GRB14: variants seen among roughly 807,000 people sequenced by gnomAD.
GRB14 encodes the protein growth factor receptor-bound protein 14.
A neutral mutation model predicts 69.1 loss-of-function variants in GRB14; 38 were observed. That is an observed-to-expected ratio of 0.55 (90% CI 0.42 to 0.72). The LOEUF is 0.72. Among genes scored for constraint, GRB14 ranks in the 30% least tolerant of loss-of-function variants. The pLI, the probability that GRB14 is intolerant of heterozygous loss-of-function variation, is 0.00. For synonymous variants in GRB14, 247 were observed against 241.3 expected, an observed-to-expected ratio of 1.02 and a Z score of -0.22; for missense variants, 666 against 666.1, an observed-to-expected ratio of 1.00 and a Z score of 0.00.
chr2:164,548,030 C>T (rs192510111), intron 2 of GRB14, among the ~76,000 whole-genome samples: 97 of 152,302 alleles, frequency 6.4e-4, no homozygotes, highest in African/African-American at 2.1e-3. Context: ...AAAATCTACT[C>T]ATTTCTCAAA....
At chr2:164,505,565 A>T (rs1020979395) in intron 8 of GRB14, among the ~76,000 whole-genome samples, 1 of 152,164 alleles carries the variant, frequency 6.6e-6, no homozygotes, top group Non-Finnish European at 1.5e-5. Flanking sequence ...AATGATTCAG[A>T]AAAGCCAGGC....
intron 2 of GRB14, among the ~76,000 whole-genome samples, chr2:164,562,559 C>T (rs539962759): frequency 2.0e-5 from 3 of 151,970 alleles, no homozygotes; most frequent in Admixed American, 1.3e-4. Context: ...GAATAGGGCA[C>T]GGAAAGTTTA....
At chr2:164,569,384 C>T (rs1446233602) in intron 2 of GRB14, among the ~76,000 whole-genome samples, 11 of 152,082 alleles carry the variant, frequency 7.2e-5, no homozygotes, top group South Asian at 2.1e-4. Context: ...AGGATTGCAA[C>T]GTTAAAACTA....
chr2:164,500,857 G>A (rs1433174969), intron 9 of GRB14, among the ~76,000 whole-genome samples: 1 of 151,980 alleles, frequency 6.6e-6, no homozygotes, highest in Non-Finnish European at 1.5e-5. Flanking sequence ...AAAAAGACAA[G>A]GGTAATACCA....
intron 2 of GRB14, among the ~76,000 whole-genome samples, chr2:164,580,628 C>T (rs113793368): frequency 0.079 from 11,995 of 151,608 alleles, 713 homozygotes; most frequent in Non-Finnish European, 0.12. Flanking sequence ...CGCTTGAACC[C>T]GAGAGGTGGA....
In GRB14 at chr2:164,560,162, G is replaced by A. The variant is rs187418059; in HGVS notation, c.325-12346C>T. ...CCTGATGCTGTATTCTTACCATTCT[G>A]TTCGTCCAGTATTTAGGCTGCTTTA... On this transcript the variant is annotated intron_variant, in intron 2 of 13. Transcript: ENST00000263915. Among the ~76,000 whole-genome samples the A allele has an allele frequency of 7.2e-5, 11 of 152,190 alleles. No homozygotes were observed. In the East Asian group the frequency reaches 7.7e-4, roughly 11 times the overall value.
intron 2 of GRB14, among the ~76,000 whole-genome samples, chr2:164,580,337 C>G (rs552098081): frequency 6.6e-6 from 1 of 150,966 alleles, no homozygotes; most frequent in East Asian, 2.1e-4. Flanking sequence ...AGGTGATTTG[C>G]CTGCCTCAGC....
chr2:164,584,898 A>T (rs1230604812), intron 2 of GRB14, among the ~76,000 whole-genome samples: 3 of 151,992 alleles, frequency 2.0e-5, no homozygotes, highest in African/African-American at 7.2e-5. Context: ...TCAGTGGAAA[A>T]GAACTAGAAG....
At chr2:164,512,513 T>G (rs897350596) in intron 6 of GRB14, among the ~76,000 whole-genome samples, 6 of 152,124 alleles carry the variant, frequency 3.9e-5, no homozygotes, top group Non-Finnish European at 1.5e-5. Context: ...AGATGGCATC[T>G]CTAGACCAAC....
At chr2:164,598,287 C>G (rs946685863) in intron 2 of GRB14, among the ~76,000 whole-genome samples, 3 of 152,100 alleles carry the variant, frequency 2.0e-5, no homozygotes, top group Admixed American at 2.0e-4. Flanking sequence ...AAGTACTATA[C>G]TTTAGGTATG....
At chr2:164,498,105 C>T (rs1297898531) in intron 9 of GRB14, among the ~76,000 whole-genome samples, 3 of 152,068 alleles carry the variant, frequency 2.0e-5, no homozygotes, top group Non-Finnish European at 4.4e-5. Context: ...TTTCATCTTA[C>T]TTAGAAAATA....
chr2:164,597,628 T>G (rs549970497), intron 2 of GRB14, among the ~76,000 whole-genome samples: 8 of 150,882 alleles, frequency 5.3e-5, no homozygotes, highest in Non-Finnish European at 1.2e-4. Context: ...AGACAATGGG[T>G]AGAGAAGAAG....
At chr2:164,603,648 G>A (rs1421784498) in intron 2 of GRB14, among the ~76,000 whole-genome samples, 1 of 138,698 alleles carries the variant, frequency 7.2e-6, no homozygotes, top group African/African-American at 2.8e-5. Context: ...GGGTGACAGA[G>A]TGAGACACCA....
At chr2:164,589,261 CTTTA>C (rs926777418) in intron 2 of GRB14, among the ~76,000 whole-genome samples, 8 of 152,110 alleles carry the variant, frequency 5.3e-5, no homozygotes, top group Non-Finnish European at 1.0e-4. Context: ...TACAATAATA[CTTTA>C]TTTATCCTTT....
At chr2:164,519,217 A>G (rs1687571617) in intron 6 of GRB14, among the ~76,000 whole-genome samples, 1 of 152,224 alleles carries the variant, frequency 6.6e-6, no homozygotes, top group Non-Finnish European at 1.5e-5. Context: ...ATAATTTAAC[A>G]TATGCAAGTC....
chr2:164,569,231 T>C (rs1393738776), intron 2 of GRB14, among the ~76,000 whole-genome samples: 1 of 152,176 alleles, frequency 6.6e-6, no homozygotes, highest in African/African-American at 2.4e-5. Context: ...GCATTTCTTC[T>C]CATAAAAACT....
intron 2 of GRB14, among the ~76,000 whole-genome samples, chr2:164,573,141 G>T (rs1559056858): frequency 6.6e-6 from 1 of 152,012 alleles, no homozygotes; most frequent in Non-Finnish European, 1.5e-5. Context: ...GCATTGTTTT[G>T]ATAACTTATA....
intron 2 of GRB14, among the ~76,000 whole-genome samples, chr2:164,602,095 A>G (rs1055529672): frequency 6.6e-6 from 1 of 151,540 alleles, no homozygotes; most frequent in Non-Finnish European, 1.5e-5. Flanking sequence ...TTATAAAACA[A>G]AACACTTTTT....
chr2:164,616,470 C>T (rs4606947), intron 2 of GRB14, among the ~76,000 whole-genome samples: 113,951 of 147,626 alleles, frequency 0.77, 44,620 homozygotes, highest in African/African-American at 0.82. Flanking sequence ...TTCTCTCTCA[C>T]TCTAGCTTTC....
Sources: allele counts gnomAD v4.1 joint callset (sites outside exome capture counted in the v4.1 genomes callset), GRCh38; gene constraint gnomAD v4.1.1; transcripts MANE v1.5; gene names NCBI Gene and HGNC (gene_info 2026-07-23, HGNC 2026-07-21).